The following SH3KBP1 variants were observed in gnomAD, a reference collection of about 807,000 sequenced individuals.
SH3KBP1 encodes the protein SH3 domain containing kinase binding protein 1.
Under a neutral mutation model 50.1 loss-of-function variants are expected in SH3KBP1, and 8 were observed. The observed-to-expected ratio is 0.16, with a 90% confidence interval of 0.09 to 0.29. The LOEUF (loss-of-function observed/expected upper bound fraction) is 0.29, where lower values mean the gene tolerates loss of function less well. SH3KBP1 is among the 10% of genes least tolerant of loss of function. The probability of loss-of-function intolerance (pLI) is 1.00; values close to 1 mark genes in which losing one functional copy is unlikely to be tolerated. For missense variants in SH3KBP1, 377 were observed against 535.2 expected, an observed-to-expected ratio of 0.70 and a Z score of 2.92; for synonymous variants, 227 against 218.6, an observed-to-expected ratio of 1.04 and a Z score of -0.34.
intron 2 of SH3KBP1, among the ~76,000 whole-genome samples, chrX:19,827,121 G>A (rs1376358673): frequency 8.9e-6 from 1 of 111,735 alleles, no homozygotes; most frequent in East Asian, 2.8e-4. Flanking sequence ...GCCAAAGAGA[G>A]ATCTAAAACA....
chrX:19,755,450 A>G (rs781429387), intron 2 of SH3KBP1, among the ~76,000 whole-genome samples: 2 of 112,189 alleles, frequency 1.8e-5, no homozygotes, highest in East Asian at 5.6e-4. Context: ...AAATTCATCA[A>G]CGAAGACAAA....
chrX:19,673,473 T>C (rs147812370), intron 6 of SH3KBP1, among the ~76,000 whole-genome samples: 1,270 of 111,750 alleles, frequency 0.011, 20 homozygotes, highest in African/African-American at 0.038. Flanking sequence ...AAAGGAAACT[T>C]GGCTCTTTTG....
At chrX:19,552,217 C>T (rs1478456675) in intron 13 of SH3KBP1, among the ~76,000 whole-genome samples, 1 of 112,087 alleles carries the variant, frequency 8.9e-6, no homozygotes, top group Admixed American at 9.5e-5. Flanking sequence ...CAAATCATTT[C>T]CCCCTCCTAT....
Position 19,631,961 on chromosome X carries a change from A to G in SH3KBP1, c.803-3T>C, listed in dbSNP as rs2061588510. ...TATTACTTTGCAGTAATCCTTGCCT[A>G]TAAGAAAAACAGAAAACATAACCTT... On this transcript the variant is annotated splice_polypyrimidine_tract_variant and splice_region_variant and intron_variant, in intron 7 of 17. Transcript: ENST00000397821. 6 of 1,133,603 alleles carry G rather than the reference A, an allele frequency of 5.3e-6. No homozygotes were observed. The East Asian group carries it at 1.5e-4, about 29-fold the overall frequency. The allele number at this position is 1,133,603 out of a possible 1,213,427, so 93.4% of individuals were successfully genotyped here. A position where few individuals can be genotyped will look rare whatever the true frequency, so the allele number is the denominator to read the frequency against.
intron 2 of SH3KBP1, among the ~76,000 whole-genome samples, chrX:19,748,590 T>C (rs947078010): frequency 2.7e-5 from 3 of 111,943 alleles, no homozygotes; most frequent in Non-Finnish European, 5.6e-5. Context: ...AGCTGAATGA[T>C]GAGTGAATTG....
chrX:19,632,166 T>G (rs1488089194), intron 7 of SH3KBP1, among the ~76,000 whole-genome samples: 8 of 111,478 alleles, frequency 7.2e-5, no homozygotes, highest in Non-Finnish European at 1.3e-4. Flanking sequence ...CCACTTTTTT[T>G]CCCCTTACAA....
intron 16 of SH3KBP1, among the ~76,000 whole-genome samples, chrX:19,538,685 C>G (rs1242968642): frequency 1.8e-5 from 2 of 110,292 alleles, no homozygotes; most frequent in Non-Finnish European, 3.8e-5. Context: ...CTCCTGGGTT[C>G]AAGCGATTCT....
intron 1 of SH3KBP1, among the ~76,000 whole-genome samples, chrX:19,862,501 C>A (rs2068802848): frequency 1.8e-5 from 2 of 111,332 alleles, no homozygotes; most frequent in Non-Finnish European, 3.8e-5. Flanking sequence ...TCCACTCAAG[C>A]TTCACTATAA....
At chrX:19,881,025 G>A (rs1156913097) in intron 1 of SH3KBP1, among the ~76,000 whole-genome samples, 3 of 111,950 alleles carry the variant, frequency 2.7e-5, no homozygotes, top group Non-Finnish European at 5.6e-5. Flanking sequence ...TTACACATTT[G>A]TGCTGTTTCA....
chrX:19,692,624 C>CTTGT (rs1491256462), intron 5 of SH3KBP1, among the ~76,000 whole-genome samples: 1 of 68,710 alleles, frequency 1.5e-5, no homozygotes, highest in Admixed American at 1.8e-4. Context: ...TATATACATA[C>CTTGT]GTGTGTGTGT....
chrX:19,538,308 G>A (rs943405128), intron 16 of SH3KBP1, among the ~76,000 whole-genome samples: 2 of 111,736 alleles, frequency 1.8e-5, no homozygotes, highest in Non-Finnish European at 3.8e-5. Context: ...AAACTCAAGC[G>A]ATCCTCCTGC....
At chrX:19,713,921 A>G (rs2063839364) in intron 3 of SH3KBP1, among the ~76,000 whole-genome samples, 1 of 112,042 alleles carries the variant, frequency 8.9e-6, no homozygotes, top group Non-Finnish European at 1.9e-5. Context: ...ACAGTAGCAA[A>G]GATATGCAAT....
intron 5 of SH3KBP1, among the ~76,000 whole-genome samples, chrX:19,684,293 T>C (rs1394980917): frequency 8.9e-6 from 1 of 111,847 alleles, no homozygotes; most frequent in Admixed American, 9.5e-5. Context: ...TTTGTACATG[T>C]GAAATTCACC....
At position 19,691,354 on chromosome X, in the gene SH3KBP1, C is replaced by CTA. The variant is rs1173101409; in HGVS notation, c.520+4257_520+4258insTA. On this transcript the variant is annotated intron_variant, in intron 5 of 17. Transcript: ENST00000397821. ...TCTCTCTCTCTCTCTCTCTCTCTCT[C>CTA]TCTATATATATATATATCTTTTGAG... Among the ~76,000 whole-genome samples the CTA allele has an allele frequency of 6.7e-3, 548 of 81,463 alleles. 1 individual carries two copies. The highest frequency in any genetic ancestry group is 0.012 in the Middle Eastern group (2 of 162). 70.7% of individuals were successfully genotyped at this position (81,463 alleles called of 115,157 possible). A position where few individuals can be genotyped will look rare whatever the true frequency, so the allele number is the denominator to read the frequency against.
intron 12 of SH3KBP1, among the ~76,000 whole-genome samples, chrX:19,569,697 C>G (rs967351055): frequency 1.8e-5 from 2 of 111,972 alleles, no homozygotes; most frequent in African/African-American, 6.5e-5. Flanking sequence ...GGCCTGAATG[C>G]TGGTGCTGGG....
At chrX:19,670,331 G>C (rs1323243042) in intron 6 of SH3KBP1, 23 of 751,390 alleles carry the variant, frequency 3.1e-5, no homozygotes, top group Non-Finnish European at 3.6e-5. Context: ...CACTCACAAA[G>C]AAAACTCCAA....
chrX:19,554,129 T>G (rs1351867016), intron 13 of SH3KBP1, among the ~76,000 whole-genome samples: 3 of 75,830 alleles, frequency 4.0e-5, no homozygotes, highest in South Asian at 5.9e-4. Flanking sequence ...ATATTATATA[T>G]CATATTAAAA....
At chrX:19,567,317 G>C (rs918052963) in intron 13 of SH3KBP1, among the ~76,000 whole-genome samples, 3 of 105,334 alleles carry the variant, frequency 2.8e-5, no homozygotes, top group Non-Finnish European at 3.9e-5. Flanking sequence ...CTAGGAGTTC[G>C]AGACTAGCCT....
In SH3KBP1 at chrX:19,756,707, T is replaced by C. The variant is rs181034568; in HGVS notation, c.163-10266A>G. On this transcript the variant is annotated intron_variant, in intron 2 of 17. Transcript: ENST00000397821. ...CAAAACAGCATATGTACAAGATTAA[T>C]CGTTATGCCATTGCTTAAATTAGCA... 9.0e-5 allele frequency among the ~76,000 whole-genome samples: 10 copies of C among 111,147 alleles called. 1 individual carries two copies. The East Asian group carries it at 2.8e-3, about 31-fold the overall frequency.
Sources: allele counts gnomAD v4.1 joint callset (sites outside exome capture counted in the v4.1 genomes callset), GRCh38; gene constraint gnomAD v4.1.1; transcripts MANE v1.5; gene names NCBI Gene and HGNC (gene_info 2026-07-23, HGNC 2026-07-21).